The following RGS7 variants were observed in gnomAD, a reference collection of about 807,000 sequenced individuals.
RGS7 encodes regulator of G-protein signaling 7.
Under a neutral mutation model 81.1 loss-of-function variants are expected in RGS7, and 27 were observed. The ratio of observed to expected loss-of-function variants is 0.33; its 90% CI spans 0.25 to 0.46. The LOEUF (loss-of-function observed/expected upper bound fraction) is 0.46, where lower values mean the gene tolerates loss of function less well. RGS7 is among the 20% of genes least tolerant of loss of function. The pLI, the probability that RGS7 is intolerant of heterozygous loss-of-function variation, is 1.00. For missense variants in RGS7, 396 were observed against 607.4 expected (o/e 0.65, Z 3.66); for synonymous variants, 208 against 207.7 (o/e 1.00, Z -0.01).
Position 241,311,609 on chromosome 1 carries a change from T to C in RGS7, c.78+44090A>G, listed in dbSNP as rs546062660. Among the ~76,000 whole-genome samples the C allele has an allele frequency of 6.8e-4, 104 of 152,310 alleles. 1 individual carries two copies. The South Asian group carries it at 0.021, about 30-fold the overall frequency. On this transcript the variant is annotated intron_variant, in intron 2 of 18. Transcript: ENST00000440928. ...CCTGAACTGTGAGGTAGCTGGTAGATGTTTGAGAAATGGGCGTTTTATATA... is the reference window on the plus strand; with the variant it reads ...CCTGAACTGTGAGGTAGCTGGTAGACGTTTGAGAAATGGGCGTTTTATATA...
At chr1:241,232,696 G>A (rs2075734942) in intron 2 of RGS7, among the ~76,000 whole-genome samples, 1 of 151,326 alleles carries the variant, frequency 6.6e-6, no homozygotes. Flanking sequence ...AAGGCCTGGG[G>A]GGAGCTTAGA....
At chr1:241,270,174 C>CT (rs2077798641) in intron 2 of RGS7, among the ~76,000 whole-genome samples, 1 of 152,172 alleles carries the variant, frequency 6.6e-6, no homozygotes, top group Non-Finnish European at 1.5e-5. Flanking sequence ...TCAATGCTGG[C>CT]CCCTGCATCC....
intron 18 of RGS7, among the ~76,000 whole-genome samples, chr1:240,779,679 A>G (rs1408678929): frequency 6.6e-6 from 1 of 152,204 alleles, no homozygotes; most frequent in Non-Finnish European, 1.5e-5. Flanking sequence ...ATAGCTGACT[A>G]TAACGGACTG....
At chr1:240,853,048 T>C (rs1213543818) in intron 9 of RGS7, among the ~76,000 whole-genome samples, 1 of 152,212 alleles carries the variant, frequency 6.6e-6, no homozygotes, top group African/African-American at 2.4e-5. Context: ...TCTTTTCAAG[T>C]GCATTTTTGA....
chr1:241,205,992 C>T (rs895072764), intron 2 of RGS7, among the ~76,000 whole-genome samples: 10 of 148,236 alleles, frequency 6.7e-5, no homozygotes, highest in African/African-American at 2.3e-4. Context: ...ACAGTAATTT[C>T]GTAAGTGTTT....
At chr1:241,157,509 C>G (rs2069260332) in intron 2 of RGS7, among the ~76,000 whole-genome samples, 1 of 152,156 alleles carries the variant, frequency 6.6e-6, no homozygotes, top group Non-Finnish European at 1.5e-5. Flanking sequence ...CACCTACACT[C>G]AAGTAAAAAT....
At chr1:241,025,870 G>C (rs1327809883) in intron 3 of RGS7, among the ~76,000 whole-genome samples, 1 of 152,172 alleles carries the variant, frequency 6.6e-6, no homozygotes, top group Admixed American at 6.5e-5. Context: ...CTGGAAGTTA[G>C]AGCAGGCTGG....
At chr1:240,979,230 A>T (rs190217630) in intron 4 of RGS7, among the ~76,000 whole-genome samples, 1 of 152,280 alleles carries the variant, frequency 6.6e-6, no homozygotes, top group African/African-American at 2.4e-5. Flanking sequence ...GATTTCTTTT[A>T]AAAAAAGATA....
Position 241,223,571 on chromosome 1 carries a change from A to G in RGS7, c.79-124809T>C, listed in dbSNP as rs753135392. Among the ~76,000 whole-genome samples the G allele has an allele frequency of 8.5e-4, 129 of 152,196 alleles. 2 individuals are homozygous for G. Among genetic ancestry groups the G allele is most frequent in the Admixed American group, 1.6e-3 (24 of 15,274 alleles). ...GGAAGGGTTAGATCCCAGAAAGGCAATGCTAAAAAAGAAGGAATGATTAAA... is the reference window on the plus strand; with the variant it reads ...GGAAGGGTTAGATCCCAGAAAGGCAGTGCTAAAAAAGAAGGAATGATTAAA... On this transcript the variant is annotated intron_variant, in intron 2 of 18. Coordinates refer to ENST00000440928, the MANE Select transcript of RGS7 (RefSeq NM_001364886.1).
intron 11 of RGS7, among the ~76,000 whole-genome samples, 183 bp from the exon 12 acceptor site, chr1:240,814,960 T>C (rs1690537836): frequency 6.6e-6 from 1 of 151,846 alleles, no homozygotes; most frequent in Non-Finnish European, 1.5e-5. Context: ...AATGTTGGAA[T>C]TTGAACACAA....
intron 3 of RGS7, among the ~76,000 whole-genome samples, chr1:241,089,813 G>A (rs1044575159): frequency 7.2e-5 from 11 of 151,918 alleles, no homozygotes; most frequent in East Asian, 1.9e-4. Flanking sequence ...AGACCATCCC[G>A]GCTAACACGG....
At chr1:240,916,489 T>C (rs1672646814) in intron 6 of RGS7, among the ~76,000 whole-genome samples, 1 of 152,178 alleles carries the variant, frequency 6.6e-6, no homozygotes. Flanking sequence ...TGTCCTCCTG[T>C]TCCCCCAGCC....
intron 3 of RGS7, among the ~76,000 whole-genome samples, chr1:241,024,510 A>T (rs2059691852): frequency 6.6e-6 from 1 of 152,240 alleles, no homozygotes; most frequent in Non-Finnish European, 1.5e-5. Context: ...ATGAGCTAGT[A>T]TACCAGTGAC....
chr1:241,073,644 C>G (rs2148875363), intron 3 of RGS7, among the ~76,000 whole-genome samples: 1 of 152,262 alleles, frequency 6.6e-6, no homozygotes, highest in Non-Finnish European at 1.5e-5. Flanking sequence ...TCAGTGGGAA[C>G]AAGAGCATGC....
At position 241,147,780 on chromosome 1, in the gene RGS7, T is replaced by TTACATATATA. The variant is rs1553268796; in HGVS notation, c.79-49019_79-49018insTATATATGTA. Among the ~76,000 whole-genome samples the TTACATATATA allele has an allele frequency of 7.6e-3, 338 of 44,632 alleles. 12 individuals are homozygous for TTACATATATA. Among genetic ancestry groups the TTACATATATA allele is most frequent in the African/African-American group, 0.021 (323 of 15,400 alleles). 29.3% of individuals were successfully genotyped at this position (44,632 alleles called of 152,430 possible). On this transcript the variant is annotated intron_variant, in intron 2 of 18. Coordinates refer to ENST00000440928, the MANE Select transcript of RGS7 (RefSeq NM_001364886.1). ...TTAAATATCCCATCTAGATTAAGTT[T>TTACATATATA]TATATATATATATATATATATATAT... is the stretch of plus-strand genomic sequence containing the variant.
intron 2 of RGS7, among the ~76,000 whole-genome samples, chr1:241,147,804 A>ATATATATC (rs2068447417): frequency 8.0e-6 from 1 of 125,076 alleles, no homozygotes; most frequent in Non-Finnish European, 1.7e-5. Context: ...ATATATATAT[A>ATATATATC]TATATATATA....
intron 3 of RGS7, among the ~76,000 whole-genome samples, chr1:241,032,863 A>G (rs2060145311): frequency 6.6e-6 from 1 of 152,210 alleles, no homozygotes. Context: ...CATTGATACA[A>G]TCAAATAGTC....
intron 3 of RGS7, among the ~76,000 whole-genome samples, chr1:241,017,789 A>C (rs981347986): frequency 6.6e-6 from 1 of 152,000 alleles, no homozygotes; most frequent in African/African-American, 2.4e-5. Flanking sequence ...GATAAGCCTA[A>C]GGTTTTTGGT....
chr1:241,113,531 T>C (rs1472549181), intron 2 of RGS7, among the ~76,000 whole-genome samples: 1 of 152,194 alleles, frequency 6.6e-6, no homozygotes, highest in African/African-American at 2.4e-5. Context: ...AAAGAAAAAA[T>C]TAAAATACTG....
Sources: gnomAD v4.1 joint callset for allele counts (sites outside exome capture counted in the v4.1 genomes callset) on GRCh38, gnomAD v4.1.1 for gene constraint, MANE v1.5 for transcripts, NCBI Gene and HGNC (gene_info 2026-07-23, HGNC 2026-07-21) for gene names.